HDAC9: variants seen among roughly 807,000 people sequenced by gnomAD.
The protein encoded by HDAC9 is histone deacetylase 9, also known as MEF-2 interacting transcription repressor (MITR) protein.
HDAC9 carries 41 observed loss-of-function variants against 139.4 expected under a neutral mutation model. The observed-to-expected ratio is 0.29, with a 90% CI of 0.23 to 0.38. The LOEUF (loss-of-function observed/expected upper bound fraction) is 0.38, where lower values mean the gene tolerates loss of function less well. Ranked by LOEUF, HDAC9 falls within the 10% of genes least tolerant of loss-of-function variation. The probability of loss-of-function intolerance (pLI) is 1.00; values close to 1 mark genes in which losing one functional copy is unlikely to be tolerated. For missense variants in HDAC9, 1,147 were observed against 1,297.0 expected, an observed-to-expected ratio of 0.88 and a Z score of 1.78; for synonymous variants, 517 against 476.2, an observed-to-expected ratio of 1.09 and a Z score of -1.12.
intron 2 of HDAC9, among the ~76,000 whole-genome samples, chr7:18,575,454 G>A (rs955879615): frequency 1.3e-5 from 2 of 152,062 alleles, no homozygotes; most frequent in African/African-American, 4.8e-5. Context: ...AATAATTCAC[G>A]GTGTGACCTA....
intron 14 of HDAC9, 58 bp downstream of exon 14, chr7:18,749,196 A>C: frequency 6.4e-7 from 1 of 1,555,858 alleles, no homozygotes; most frequent in Non-Finnish European, 8.8e-7. Context: ...TAAAGAGGCC[A>C]GTATTCATTT....
intron 2 of HDAC9, among the ~76,000 whole-genome samples, chr7:18,569,936 G>C (rs1823696930): frequency 6.6e-6 from 1 of 152,064 alleles, no homozygotes; most frequent in African/African-American, 2.4e-5. Flanking sequence ...AAAAACAGCT[G>C]CCTCTTACTT....
chr7:18,620,749 C>T (rs1438714277), intron 6 of HDAC9, among the ~76,000 whole-genome samples: 3 of 152,064 alleles, frequency 2.0e-5, no homozygotes, highest in Non-Finnish European at 4.4e-5. Flanking sequence ...GACCATGCTC[C>T]TGTTACTTAC....
At chr7:18,397,195 CG>C (rs772499394) in intron 1 of HDAC9, among the ~76,000 whole-genome samples, 39 of 152,120 alleles carry the variant, frequency 2.6e-4, no homozygotes, top group Middle Eastern at 3.4e-3. Context: ...CGAGAGAATA[CG>C]GGGGCAGAAG....
At chr7:18,606,901 G>A (rs1692285661) in intron 6 of HDAC9, among the ~76,000 whole-genome samples, 1 of 152,072 alleles carries the variant, frequency 6.6e-6, no homozygotes, top group South Asian at 2.1e-4. Flanking sequence ...GGAGTTAGTG[G>A]TATACAAGGT....
chr7:18,850,081 T>TAAAAAAAAAA, intron 21 of HDAC9, among the ~76,000 whole-genome samples: 1 of 82,312 alleles, frequency 1.2e-5, no homozygotes, highest in Non-Finnish European at 2.6e-5. Context: ...AAAGCCTGAG[T>TAAAAAAAAAA]AAAAAAAAAA....
At chr7:18,771,506 G>A (rs528255735) in intron 16 of HDAC9, among the ~76,000 whole-genome samples, 1 of 151,882 alleles carries the variant, frequency 6.6e-6, no homozygotes, top group East Asian at 1.9e-4. Flanking sequence ...TAAAATGTAA[G>A]CTCTCCCCTC....
chr7:18,509,245 G>C (rs975872607), intron 2 of HDAC9: 9 of 984,180 alleles, frequency 9.1e-6, no homozygotes, highest in Non-Finnish European at 2.4e-6. Context: ...TTAGAATAGA[G>C]CAGGAAGTGT....
intron 22 of HDAC9, among the ~76,000 whole-genome samples, chr7:18,903,645 T>C (rs1248981673): frequency 1.3e-5 from 2 of 152,220 alleles, no homozygotes; most frequent in Non-Finnish European, 2.9e-5. Context: ...TATCTTTGTG[T>C]CAGCTATTTA....
chr7:18,633,697 AG>A (rs774325146), intron 7 of HDAC9, among the ~76,000 whole-genome samples: 2 of 152,100 alleles, frequency 1.3e-5, no homozygotes, highest in Non-Finnish European at 2.9e-5. Context: ...TGAGGCAGCT[AG>A]GAAGATTTTG....
chr7:18,171,472 C>A (rs903117520), intron 2 of HDAC9, among the ~76,000 whole-genome samples: 1 of 152,148 alleles, frequency 6.6e-6, no homozygotes, highest in Non-Finnish European at 1.5e-5. Context: ...GCCAGAACTT[C>A]CAACAGTATG....
intron 23 of HDAC9, among the ~76,000 whole-genome samples, chr7:18,943,975 A>G (rs1281295260): frequency 6.6e-6 from 1 of 152,120 alleles, no homozygotes; most frequent in Non-Finnish European, 1.5e-5. Flanking sequence ...CCCCCAATCT[A>G]TTTGGTCAAG....
intron 1 of HDAC9, among the ~76,000 whole-genome samples, chr7:18,412,679 C>T (rs1057272398): frequency 3.9e-5 from 6 of 152,054 alleles, no homozygotes; most frequent in African/African-American, 1.4e-4. Flanking sequence ...TATTACATGG[C>T]AGAAAACAAA....
At position 18,658,626 on chromosome 7, in the gene HDAC9, C is replaced by T. The variant is rs529874622; in HGVS notation, c.1468-7587C>T. Among the ~76,000 whole-genome samples the T allele has an allele frequency of 2.0e-5, 3 of 152,048 alleles. No individual in the cohort carries two copies. In the East Asian group the frequency reaches 5.8e-4, roughly 29 times the overall value. On this transcript the variant is annotated intron_variant, in intron 11 of 25. Transcript: ENST00000686413. Reference sequence around the variant, plus strand: ...CTTCTCTTGTTATTTAATTTTGGTTCATCTGATTACTTCCCTAAAATACAC... The same window carrying T: ...CTTCTCTTGTTATTTAATTTTGGTTTATCTGATTACTTCCCTAAAATACAC...
At chr7:18,551,489 C>T (rs935831054) in intron 2 of HDAC9, among the ~76,000 whole-genome samples, 19 of 152,088 alleles carry the variant, frequency 1.2e-4, no homozygotes, top group African/African-American at 4.6e-4. Flanking sequence ...AGACAAGGAA[C>T]CAGAAAATGA....
chr7:18,549,482 A>G (rs1277048033), intron 2 of HDAC9, among the ~76,000 whole-genome samples: 1 of 152,174 alleles, frequency 6.6e-6, no homozygotes, highest in Non-Finnish European at 1.5e-5. Flanking sequence ...ATAAAAATGA[A>G]TGTACTGTTG....
At chr7:18,215,204 G>T (rs1026531663) in intron 2 of HDAC9, among the ~76,000 whole-genome samples, 3 of 151,952 alleles carry the variant, frequency 2.0e-5, no homozygotes, top group African/African-American at 7.2e-5. Context: ...AGAGTTGTAC[G>T]CAAGATCTAG....
intron 2 of HDAC9, among the ~76,000 whole-genome samples, chr7:18,222,358 A>C (rs1297188491): frequency 6.6e-6 from 1 of 152,166 alleles, no homozygotes; most frequent in Non-Finnish European, 1.5e-5. Flanking sequence ...CAAGGACCTT[A>C]TTAAACCTAA....
chr7:18,444,812 C>T (rs1038751209), intron 1 of HDAC9, among the ~76,000 whole-genome samples: 10 of 152,178 alleles, frequency 6.6e-5, no homozygotes, highest in African/African-American at 2.2e-4. Flanking sequence ...AAAGTAAGGT[C>T]TTACTAAGCC....
Sources: gnomAD v4.1 joint callset for allele counts (sites outside exome capture counted in the v4.1 genomes callset) on GRCh38, gnomAD v4.1.1 for gene constraint, MANE v1.5 for transcripts, NCBI Gene and HGNC (gene_info 2026-07-23, HGNC 2026-07-21) for gene names.